The following C8orf33 variants were observed in gnomAD, a reference collection of about 807,000 sequenced individuals.
The protein encoded by C8orf33 is chromosome 8 open reading frame 33.
C8orf33 carries 28 observed loss-of-function variants against 25.7 expected under a neutral mutation model. That is an observed-to-expected ratio of 1.09 (90% CI 0.81 to 1.49). The LOEUF (loss-of-function observed/expected upper bound fraction) is 1.49. Among genes scored for constraint, C8orf33 ranks in the 40% most tolerant of loss-of-function variants. C8orf33 has a pLI of 0.00. For missense variants in C8orf33, 369 were observed against 294.4 expected (o/e 1.25, Z -1.85); for synonymous variants, 153 against 115.9 (o/e 1.32, Z -2.06).
In C8orf33 at chr8:145,052,501, A is replaced by G; in HGVS notation, c.6+4A>G. ...GTGGCGACTGCGGCGCATGGCGGTGAGCGGTGTGGAGAAGACGCGCGGGTG... is the reference window on the plus strand; with the variant it reads ...GTGGCGACTGCGGCGCATGGCGGTGGGCGGTGTGGAGAAGACGCGCGGGTG... On this transcript the variant is annotated splice_donor_region_variant and intron_variant, in intron 1 of 4. Transcript: ENST00000331434. 2.5e-6 allele frequency: 4 copies of G among 1,599,022 alleles called. No homozygotes were observed. The highest frequency in any genetic ancestry group is 2.5e-6 in the Non-Finnish European group (3 of 1,179,544).
Position 145,055,507 on chromosome 8 carries a change from T to G in C8orf33, c.*1350T>G, listed in dbSNP as rs570072018. The G allele has an allele frequency of 5.8e-6, 1 of 171,352 alleles. No homozygotes were observed. The highest frequency in any genetic ancestry group is 1.2e-5 in the Non-Finnish European group (1 of 81,246). The allele number at this position is 171,352 out of a possible 1,614,324, so 10.6% of individuals were successfully genotyped here. A position where few individuals can be genotyped will look rare whatever the true frequency, so the allele number is the denominator to read the frequency against. On this transcript the variant is annotated 3_prime_UTR_variant, in exon 5 of 5. Coordinates refer to ENST00000331434, the MANE Select transcript of C8orf33 (RefSeq NM_023080.3). ...AGTGGACCATGGTCTAGCAGTAGCA[T>G]CAGTGTCAAGGAAAAACACCCACTA...
rs6986329 is a variant in C8orf33, at chr8:145,055,416, C to T, written c.*1259C>T. The T allele has an allele frequency of 0.68, 103,622 of 152,844 alleles. 35,819 individuals are homozygous for T. Among genetic ancestry groups the T allele is most frequent in the Non-Finnish European group, 0.76 (52,044 of 68,576 alleles). The allele number at this position is 152,844 out of a possible 1,614,324, so 9.5% of individuals were successfully genotyped here. A position where few individuals can be genotyped will look rare whatever the true frequency, so the allele number is the denominator to read the frequency against. ...AAGAGTGTGAGCCTTCTCTTATGCC[C>T]GGACAGGGCCACCAGAGGGCTTGGT... On this transcript the variant is annotated 3_prime_UTR_variant, in exon 5 of 5. Coordinates refer to ENST00000331434, the MANE Select transcript of C8orf33 (RefSeq NM_023080.3).
intron 4 of C8orf33, 45 bp downstream of exon 4, chr8:145,053,488 G>C (rs1443766191): frequency 2.5e-6 from 4 of 1,603,918 alleles, no homozygotes; most frequent in Non-Finnish European, 3.4e-6. Flanking sequence ...CTAACTTAAG[G>C]AGGAAGTGTC....
rs1239323664 is a variant in C8orf33, at chr8:145,053,160, C to T, written c.403+14C>T. Reference sequence around the variant, plus strand: ...CCCCGAAACAGAGTAAGGGACCCTTCTGTAGAGCTGGGGGATGTGAACAGT... The same window carrying T: ...CCCCGAAACAGAGTAAGGGACCCTTTTGTAGAGCTGGGGGATGTGAACAGT... On this transcript the variant is annotated intron_variant, in intron 3 of 4. Transcript: ENST00000331434. 4 of 1,613,952 alleles carry T rather than the reference C, an allele frequency of 2.5e-6. No individual in the cohort carries two copies. The highest frequency in any genetic ancestry group is 1.3e-5 in the African/African-American group (1 of 74,920).
At chr8:145,053,667 A>G (rs1835313922) in intron 4 of C8orf33, 2 of 601,816 alleles carry the variant, frequency 3.3e-6, no homozygotes, top group Middle Eastern at 4.4e-4. Flanking sequence ...GGGAAAGAGC[A>G]TGGTCCTATG....
rs1835338333 is a variant in C8orf33, at chr8:145,055,048, C to T, written c.*891C>T. 6.6e-6 allele frequency: 1 copy of T among 152,164 alleles called. No individual in the cohort carries two copies. The highest frequency in any genetic ancestry group is 2.4e-5 in the African/African-American group (1 of 41,424). 9.4% of individuals were successfully genotyped at this position (152,164 alleles called of 1,614,324 possible). On this transcript the variant is annotated 3_prime_UTR_variant, in exon 5 of 5. Transcript: ENST00000331434. Reference sequence around the variant, plus strand: ...TTGGGTGCTTCATAGGCATTTCAAACCTGATGTGTTTAAAACACTTGATTA... The same window carrying T: ...TTGGGTGCTTCATAGGCATTTCAAATCTGATGTGTTTAAAACACTTGATTA...
In C8orf33 at chr8:145,055,982, C is replaced by T. The variant is rs553365530; in HGVS notation, c.*1825C>T. ...TGGCATTTGGGGCCACTACTGGTCT[C>T]CGCGTCTTGGTGGTAGTGGTCCCCC... On this transcript the variant is annotated 3_prime_UTR_variant, in exon 5 of 5. Coordinates refer to ENST00000331434, the MANE Select transcript of C8orf33 (RefSeq NM_023080.3). The T allele has an allele frequency of 8.9e-5, 20 of 225,046 alleles. No individual in the cohort carries two copies. In the South Asian group the frequency reaches 1.3e-3, roughly 14 times the overall value. 13.9% of individuals were successfully genotyped at this position (225,046 alleles called of 1,614,324 possible). A position where few individuals can be genotyped will look rare whatever the true frequency, so the allele number is the denominator to read the frequency against.
At position 145,052,669 on chromosome 8, in the gene C8orf33, C is replaced by T. The variant is rs1835292411; in HGVS notation, c.90C>T (p.Gly30=). The T allele has an allele frequency of 3.7e-6, 6 of 1,613,648 alleles. No individual in the cohort carries two copies. The highest frequency in any genetic ancestry group is 1.3e-5 in the African/African-American group (1 of 75,060). ...CGTCCCGCGGAGCCCGGCTTCCCGGCCCAGTTTCCAGCGCCCGGAATCCTT... is the reference window on the plus strand; with the variant it reads ...CGTCCCGCGGAGCCCGGCTTCCCGGTCCAGTTTCCAGCGCCCGGAATCCTT... ...PCASRGARLP[G]PVSSARNPST... is the part of the protein sequence containing the mutation. Residue 30 remains glycine (G), a synonymous_variant, in exon 2 of 5, where the codon GGC becomes GGT. Transcript: ENST00000331434.
In C8orf33 at chr8:145,052,776, C is replaced by G. The variant is rs1459686322; in HGVS notation, c.197C>G (p.Thr66Arg). 1 of 1,614,152 alleles carries G rather than the reference C, an allele frequency of 6.2e-7. No individual in the cohort carries two copies. The change falls in exon 2 of 5, where the codon ACA (threonine) becomes AGA (arginine). Residue 66 changes from threonine (T) to arginine (R), a missense_variant. Thr to Arg is a moderately conservative substitution (Grantham distance 71). Transcript: ENST00000331434. ...CACCCGTTGGGCGATGAAGGCGGCA[C>G]AGCGTCGAAAAAACAAAAGAATAAG... The part of the protein sequence containing the change: ...RAHPLGDEGG[T>R]ASKKQKNKKK...
chr8:145,054,278 G>T lies in C8orf33; in HGVS notation c.*121G>T, dbSNP rs1835324135. 6.1e-6 allele frequency: 7 copies of T among 1,153,152 alleles called. No individual in the cohort carries two copies. Among genetic ancestry groups the T allele is most frequent in the Admixed American group, 2.4e-5 (1 of 41,138 alleles). 71.4% of individuals were successfully genotyped at this position (1,153,152 alleles called of 1,614,324 possible). A position where few individuals can be genotyped will look rare whatever the true frequency, so the allele number is the denominator to read the frequency against. On this transcript the variant is annotated 3_prime_UTR_variant, in exon 5 of 5. Transcript: ENST00000331434. ...CCCTGGAGTTGGTCTGTCCCTGGCT[G>T]GTCCAAGGATTTGTAGCTGTTGTGA...
chr8:145,053,353 C>G lies in C8orf33; in HGVS notation c.460C>G (p.Arg154Gly), dbSNP rs752128527. 3.1e-6 allele frequency: 5 copies of G among 1,614,210 alleles called. No individual in the cohort carries two copies. Among genetic ancestry groups the G allele is most frequent in the Admixed American group, 3.3e-5 (2 of 60,020 alleles). Residue 154 changes from arginine to glycine, a missense_variant, in exon 4 of 5, where the codon CGG becomes GGG. Transcript: ENST00000331434. ...TLRSKRTPLP[R>G]KRQLMHSLFG... The stretch of plus-strand genomic sequence containing the variant: ...GCGCAGCAAAAGAACGCCCTTGCCC[C>G]GGAAGAGGCAGCTGATGCACTCCTT...
chr8:145,053,274 T>G, intron 3 of C8orf33, 23 bp from the exon 4 acceptor site: 1 of 1,613,972 alleles, frequency 6.2e-7, no homozygotes, highest in African/African-American at 1.3e-5. Context: ...AGGTGTTCAC[T>G]AGTCCTTTAT....
In C8orf33 at chr8:145,054,259, A is replaced by T; in HGVS notation, c.*102A>T. ...GACTTCTGTTGTCAGAGAACCCTGG[A>T]GTTGGTCTGTCCCTGGCTGGTCCAA... On this transcript the variant is annotated 3_prime_UTR_variant, in exon 5 of 5. Transcript: ENST00000331434. The T allele has an allele frequency of 7.2e-7, 1 of 1,388,316 alleles. No homozygotes were observed. Among genetic ancestry groups the T allele is most frequent in the Non-Finnish European group, 9.9e-7 (1 of 1,012,430 alleles). The allele number at this position is 1,388,316 out of a possible 1,614,324, so 86.0% of individuals were successfully genotyped here. A position where few individuals can be genotyped will look rare whatever the true frequency, so the allele number is the denominator to read the frequency against.
In C8orf33 at chr8:145,053,098, G is replaced by C; in HGVS notation, c.355G>C (p.Glu119Gln). 1.9e-6 allele frequency: 3 copies of C among 1,614,190 alleles called. No homozygotes were observed. The highest frequency in any genetic ancestry group is 2.5e-6 in the Non-Finnish European group (3 of 1,180,038). The change falls in exon 3 of 5, where the codon GAG becomes CAG. Residue 119 changes from glutamate (E) to glutamine (Q), a missense_variant. Transcript: ENST00000331434. ...QLAQELAWCVEQLELGLKRQK... is the reference protein window; with the variant it reads ...QLAQELAWCVQQLELGLKRQK... ...GGCCCAGGAATTGGCTTGGTGTGTG[G>C]AGCAACTGGAGCTGGGCCTCAAGAG... is the stretch of plus-strand genomic sequence containing the variant.
chr8:145,052,581 T>C lies in C8orf33; in HGVS notation c.7-5T>C. On this transcript the variant is annotated splice_polypyrimidine_tract_variant and splice_region_variant and intron_variant, in intron 1 of 4. Coordinates refer to ENST00000331434, the MANE Select transcript of C8orf33 (RefSeq NM_023080.3). ...GTGACCCTCGTGCTACCCCCCTTTC[T>C]CCAGGCCCTGGGACATCTTGCTGGG... 6.2e-7 allele frequency: 1 copy of C among 1,603,800 alleles called. No homozygotes were observed. The highest frequency in any genetic ancestry group is 8.5e-7 in the Non-Finnish European group (1 of 1,179,488).
intron 2 of C8orf33, 40 bp downstream of exon 2, chr8:145,052,937 G>A: frequency 6.5e-7 from 1 of 1,527,904 alleles, no homozygotes; most frequent in Non-Finnish European, 8.7e-7. Flanking sequence ...GAATCCACGG[G>A]TGCGAATCCA....
Position 145,053,136 on chromosome 8 carries a change from C to T in C8orf33, c.393C>T (p.Thr131=), listed in dbSNP as rs1453799752. The T allele has an allele frequency of 2.5e-6, 4 of 1,614,172 alleles. 1 individual carries two copies. The South Asian group carries it at 3.3e-5, about 13-fold the overall frequency. Residue 131 remains threonine, a synonymous_variant, in exon 3 of 5, where the codon ACC becomes ACT. Transcript: ENST00000331434. ...LELGLKRQKP[T]PKQKEQAIGA... is the part of the protein sequence containing the mutation. ...TGGGCCTCAAGAGGCAGAAACCCAC[C>T]CCGAAACAGAGTAAGGGACCCTTCT...
rs780204507 is a variant in C8orf33, at chr8:145,054,097, A to C, written c.630A>C (p.Ile210=). 1 of 1,614,182 alleles carries C rather than the reference A, an allele frequency of 6.2e-7. No individual in the cohort carries two copies. Among genetic ancestry groups the C allele is most frequent in the South Asian group, 1.1e-5 (1 of 91,084 alleles). Reference sequence around the variant, plus strand: ...AAAGGGTCTGCAGGCCTCGCTCTATATGGAGAGCCAAAGCCACTCTGGACA... The same window carrying C: ...AAAGGGTCTGCAGGCCTCGCTCTATCTGGAGAGCCAAAGCCACTCTGGACA... The part of the protein sequence containing the change: ...KSQRVCRPRS[I]WRAKATLDMP... The change falls in exon 5 of 5, where the codon ATA becomes ATC. Residue 210 remains isoleucine (I), a synonymous_variant. Transcript: ENST00000331434.
In C8orf33 at chr8:145,052,585, G is replaced by C. The variant is rs1351261009; in HGVS notation, c.7-1G>C. 6.2e-7 allele frequency: 1 copy of C among 1,604,608 alleles called. No individual in the cohort carries two copies. The highest frequency in any genetic ancestry group is 1.3e-5 in the African/African-American group (1 of 74,944). ...CCCTCGTGCTACCCCCCTTTCTCCA[G>C]GCCCTGGGACATCTTGCTGGGGAGG... On this transcript the variant is annotated splice_acceptor_variant, in intron 1 of 4. Coordinates refer to ENST00000331434, the MANE Select transcript of C8orf33 (RefSeq NM_023080.3). LOFTEE classifies it high-confidence loss of function.
Sources: allele counts gnomAD v4.1 joint callset, GRCh38; gene constraint gnomAD v4.1.1; transcripts MANE v1.5; gene names NCBI Gene and HGNC (gene_info 2026-07-23, HGNC 2026-07-21).